DCBLD2: variants seen among roughly 807,000 people sequenced by gnomAD.
The protein encoded by DCBLD2 is discoidin, CUB and LCCL domain containing 2.
A neutral mutation model predicts 86.8 loss-of-function variants in DCBLD2; 54 were observed. That is an observed-to-expected ratio of 0.62 (90% CI 0.50 to 0.78). DCBLD2 has a LOEUF of 0.78. DCBLD2 is among the 30% of genes least tolerant of loss of function. The probability of loss-of-function intolerance (pLI) is 0.00; values close to 1 mark genes in which losing one functional copy is unlikely to be tolerated. For missense variants in DCBLD2, 908 were observed against 954.2 expected, an observed-to-expected ratio of 0.95 and a Z score of 0.64; for synonymous variants, 354 against 341.3, an observed-to-expected ratio of 1.04 and a Z score of -0.41.
chr3:98,897,826 C>A (rs1389360277), intron 1 of DCBLD2, among the ~76,000 whole-genome samples: 4 of 151,968 alleles, frequency 2.6e-5, no homozygotes, highest in African/African-American at 7.2e-5. Flanking sequence ...TACATTCTAA[C>A]CAAGAAAGTA....
intron 4 of DCBLD2, among the ~76,000 whole-genome samples, chr3:98,824,481 C>T (rs1942180998): frequency 6.6e-6 from 1 of 152,080 alleles, no homozygotes; most frequent in South Asian, 2.1e-4. Flanking sequence ...CTGAAGAGGG[C>T]ACCCTTCCCA....
intron 2 of DCBLD2, among the ~76,000 whole-genome samples, chr3:98,866,571 A>C (rs1033510263): frequency 6.6e-6 from 1 of 151,784 alleles, no homozygotes; most frequent in Admixed American, 6.6e-5. Context: ...TTTTCTTGTA[A>C]ATTTGTTTGA....
At chr3:98,860,724 G>A (rs1203051932) in intron 2 of DCBLD2, among the ~76,000 whole-genome samples, 1 of 152,136 alleles carries the variant, frequency 6.6e-6, no homozygotes, top group African/African-American at 2.4e-5. Context: ...CCTAAAGGAA[G>A]CACTAAACAT....
chr3:98,819,146 G>A, intron 8 of DCBLD2, 56 bp downstream of exon 8: 1 of 1,474,428 alleles, frequency 6.8e-7, no homozygotes, highest in South Asian at 1.3e-5. Flanking sequence ...GATGTTACTA[G>A]TTTTTCAAAT....
intron 2 of DCBLD2, among the ~76,000 whole-genome samples, chr3:98,868,296 C>A (rs553822929): frequency 6.1e-4 from 93 of 152,134 alleles, no homozygotes; most frequent in African/African-American, 1.5e-3. Flanking sequence ...AGGAAAAAGA[C>A]AGTGATCATT....
chr3:98,884,269 T>C (rs1943522231), intron 1 of DCBLD2, among the ~76,000 whole-genome samples: 1 of 152,068 alleles, frequency 6.6e-6, no homozygotes, highest in Non-Finnish European at 1.5e-5. Context: ...TTGCTTTCAT[T>C]TCATACACAA....
rs1943119791 is a variant in DCBLD2, at chr3:98,865,116, T to A, written c.434-15518A>T. Among the ~76,000 whole-genome samples, 3 of 152,120 alleles carry A rather than the reference T, an allele frequency of 2.0e-5. No individual in the cohort carries two copies. In the South Asian group the frequency reaches 6.2e-4, roughly 32 times the overall value. ...CAGTAATTTTACTACTGGGTATACA[T>A]ATCCAAAGAAAATGAAATCAGTATG... is the stretch of plus-strand genomic sequence containing the variant. On this transcript the variant is annotated intron_variant, in intron 2 of 15. Transcript: ENST00000326840.
At chr3:98,897,287 T>C (rs925894572) in intron 1 of DCBLD2, among the ~76,000 whole-genome samples, 1 of 152,188 alleles carries the variant, frequency 6.6e-6, no homozygotes, top group Non-Finnish European at 1.5e-5. Context: ...TTTACAAGTT[T>C]CAAAAATGTG....
chr3:98,828,408 G>C lies in DCBLD2; in HGVS notation c.572-3042C>G, dbSNP rs575932122. 4.4e-4 allele frequency among the ~76,000 whole-genome samples: 67 copies of C among 152,254 alleles called. 1 individual carries two copies. Among genetic ancestry groups the C allele is most frequent in the African/African-American group, 1.4e-3 (60 of 41,554 alleles). ...TAAAAACAGACAATGGATATGAACA[G>C]ACATTTCTCCAAAGAAGATATACAA... On this transcript the variant is annotated intron_variant, in intron 3 of 15. Coordinates refer to ENST00000326840, the MANE Select transcript of DCBLD2 (RefSeq NM_080927.4).
chr3:98,869,783 C>A (rs1943224986), intron 2 of DCBLD2, among the ~76,000 whole-genome samples: 1 of 152,204 alleles, frequency 6.6e-6, no homozygotes, highest in African/African-American at 2.4e-5. Context: ...AAACTGAATT[C>A]ATGAAACTAA....
chr3:98,901,332 CG>C lies in DCBLD2; in HGVS notation c.-7del. ...ACCACCGCCCGGCTCGCCATCGCGG[CG>C]GCCGGCAGTCTGCCTGCATAGTGCG... On this transcript the variant is annotated 5_prime_UTR_variant, in exon 1 of 16. Coordinates refer to ENST00000326840, the MANE Select transcript of DCBLD2 (RefSeq NM_080927.4). 4 of 1,400,396 alleles carry C rather than the reference CG, an allele frequency of 2.9e-6. No homozygotes were observed. The highest frequency in any genetic ancestry group is 3.7e-6 in the Non-Finnish European group (4 of 1,089,322). The allele number at this position is 1,400,396 out of a possible 1,614,324, so 86.7% of individuals were successfully genotyped here.
chr3:98,811,421 C>G (rs1257599539), intron 11 of DCBLD2, 47 bp downstream of exon 11: 5 of 1,612,356 alleles, frequency 3.1e-6, no homozygotes, highest in Non-Finnish European at 4.2e-6. Context: ...GAAAGTTGCA[C>G]CATAAATCCA....
intron 1 of DCBLD2, among the ~76,000 whole-genome samples, chr3:98,894,504 A>G (rs1943716856): frequency 6.6e-6 from 1 of 152,314 alleles, no homozygotes; most frequent in South Asian, 2.1e-4. Flanking sequence ...TGAGGGGAGC[A>G]GAGCTTTCTA....
chr3:98,825,389 C>G (rs1408788702), intron 3 of DCBLD2, 23 bp from the exon 4 acceptor site: 1 of 1,479,452 alleles, frequency 6.8e-7, no homozygotes, highest in Non-Finnish European at 9.0e-7. Flanking sequence ...AAATAAAAAA[C>G]TGATTCCATT....
intron 3 of DCBLD2, among the ~76,000 whole-genome samples, chr3:98,844,343 T>TTTATTGTTA (rs1942680480): frequency 6.9e-6 from 1 of 145,894 alleles, no homozygotes; most frequent in Non-Finnish European, 1.5e-5. Flanking sequence ...GTCAGTAGCA[T>TTTATTGTTA]TTATTATTAT....
chr3:98,869,605 G>A (rs1943222466), intron 2 of DCBLD2, among the ~76,000 whole-genome samples: 1 of 152,206 alleles, frequency 6.6e-6, no homozygotes, highest in Non-Finnish European at 1.5e-5. Flanking sequence ...AAAAGGTGTG[G>A]CTTGCTGCCA....
chr3:98,900,400 C>T (rs1317281348), intron 1 of DCBLD2, among the ~76,000 whole-genome samples: 5 of 152,090 alleles, frequency 3.3e-5, no homozygotes, highest in Non-Finnish European at 5.9e-5. Context: ...ACCCTGCATT[C>T]TCCTTCCATT....
At chr3:98,877,308 T>C (rs966054568) in intron 2 of DCBLD2, among the ~76,000 whole-genome samples, 4 of 152,192 alleles carry the variant, frequency 2.6e-5, no homozygotes, top group African/African-American at 7.2e-5. Context: ...AAGAATTTTT[T>C]AATGTAGTAT....
At chr3:98,838,019 G>C (rs1457635387) in intron 3 of DCBLD2, among the ~76,000 whole-genome samples, 4 of 91,616 alleles carry the variant, frequency 4.4e-5, no homozygotes, top group African/African-American at 1.7e-4. Context: ...CTCACCTCCC[G>C]GACGGGGCGG....
Sources: allele counts gnomAD v4.1 joint callset (sites outside exome capture counted in the v4.1 genomes callset), GRCh38; gene constraint gnomAD v4.1.1; transcripts MANE v1.5; gene names NCBI Gene and HGNC (gene_info 2026-07-23, HGNC 2026-07-21).